The following CSMD1 variants were observed in gnomAD, a reference collection of about 807,000 sequenced individuals.
CSMD1 encodes the protein CUB and Sushi multiple domains 1.
CSMD1 carries 213 observed loss-of-function variants against 417.5 expected under a neutral mutation model. That is an observed-to-expected ratio of 0.51 (90% CI 0.46 to 0.57). The LOEUF (loss-of-function observed/expected upper bound fraction) is 0.57. Ranked by LOEUF, CSMD1 falls within the 20% of genes least tolerant of loss-of-function variation. The pLI is 0.00. For synonymous variants in CSMD1, 2,862 were observed against 1,736.8 expected (o/e 1.65, Z -16.11); for missense variants, 6,923 against 4,529.7 (o/e 1.53, Z -15.17).
At chr8:4,678,808 G>A (rs892423290) in intron 1 of CSMD1, among the ~76,000 whole-genome samples, 4 of 152,202 alleles carry the variant, frequency 2.6e-5, no homozygotes, top group Admixed American at 6.5e-5. Flanking sequence ...TAACCTGTAT[G>A]TAGCAAGGGT....
At chr8:4,018,248 A>G (rs1457179681) in intron 4 of CSMD1, among the ~76,000 whole-genome samples, 2 of 152,218 alleles carry the variant, frequency 1.3e-5, no homozygotes, top group African/African-American at 4.8e-5. Flanking sequence ...TTTATGATTT[A>G]AACATTTGGT....
intron 26 of CSMD1, among the ~76,000 whole-genome samples, chr8:3,256,597 C>T (rs765601459): frequency 2.0e-5 from 3 of 152,208 alleles, no homozygotes; most frequent in African/African-American, 7.2e-5. Flanking sequence ...ACCAACAACA[C>T]TGGCTGTTTC....
At chr8:3,623,153 G>T (rs1023850969) in intron 7 of CSMD1, among the ~76,000 whole-genome samples, 3 of 152,174 alleles carry the variant, frequency 2.0e-5, no homozygotes, top group African/African-American at 7.2e-5. Flanking sequence ...GTTTGTAAAA[G>T]AGTTTAAATG....
chr8:3,012,006 G>A (rs571935790), intron 52 of CSMD1, among the ~76,000 whole-genome samples: 5 of 152,336 alleles, frequency 3.3e-5, no homozygotes, highest in African/African-American at 1.2e-4. Flanking sequence ...GGCCTGGGGA[G>A]AGGTGTAGCA....
In CSMD1 at chr8:3,133,146, T is replaced by G. The variant is rs544192663; in HGVS notation, c.6241+9319A>C. ...CTGCAGCGTGGGCCGGCACACAGCTTCTCCTCAGCGACCTGGGGGAGGCCG... is the reference window on the plus strand; with the variant it reads ...CTGCAGCGTGGGCCGGCACACAGCTGCTCCTCAGCGACCTGGGGGAGGCCG... On this transcript the variant is annotated intron_variant, in intron 41 of 69. Coordinates refer to ENST00000635120, the MANE Select transcript of CSMD1 (RefSeq NM_033225.6). Among the ~76,000 whole-genome samples, 187 of 152,278 alleles carry G rather than the reference T, an allele frequency of 1.2e-3. 3 individuals are homozygous for G. Among genetic ancestry groups the G allele is most frequent in the South Asian group, 2.7e-3 (13 of 4,820 alleles).
intron 3 of CSMD1, among the ~76,000 whole-genome samples, chr8:4,179,583 C>G (rs1258223149): frequency 6.6e-6 from 1 of 151,354 alleles, no homozygotes; most frequent in Non-Finnish European, 1.5e-5. Flanking sequence ...CAAATGGAAT[C>G]TAATTAAACT....
chr8:4,260,666 A>T (rs1284209047), intron 3 of CSMD1, among the ~76,000 whole-genome samples: 1 of 152,150 alleles, frequency 6.6e-6, no homozygotes, highest in Non-Finnish European at 1.5e-5. Flanking sequence ...ATATAATTTC[A>T]GTTTTTGCGA....
At chr8:3,725,274 C>T (rs1802417669) in intron 6 of CSMD1, among the ~76,000 whole-genome samples, 1 of 152,162 alleles carries the variant, frequency 6.6e-6, no homozygotes, top group Non-Finnish European at 1.5e-5. Context: ...ATGAGTTTGG[C>T]AGGTCCAGGG....
At chr8:4,450,350 G>C (rs757875876) in intron 2 of CSMD1, among the ~76,000 whole-genome samples, 1 of 152,072 alleles carries the variant, frequency 6.6e-6, no homozygotes, top group African/African-American at 2.4e-5. Flanking sequence ...TTTAGTAGCC[G>C]GGTGTGGTGG....
rs57348944 is a variant in CSMD1 at position 3,168,919 on chromosome 8, TTCTCTCTC to T, written c.5726-6650_5726-6643del. Among the ~76,000 whole-genome samples the T allele has an allele frequency of 4.0e-3, 607 of 150,440 alleles. 3 individuals carry two copies. The highest frequency in any genetic ancestry group is 0.014 in the African/African-American group (573 of 41,136). ...AAATACCTTTAGGGGAAGTAAAATG[TTCTCTCTC>T]TCTCTCTCTCAGGGGCTCACAAATT... On this transcript the variant is annotated intron_variant, in intron 37 of 69. Transcript: ENST00000635120.
Position 3,517,258 on chromosome 8 carries a change from G to C in CSMD1, c.1345-23532C>G, listed in dbSNP as rs1208177586. Reference sequence around the variant, plus strand: ...TGTGATTAGAGGGAAAACTTGAAAAGACACAGAGTTGTGAATCACAAGAGA... The same window carrying C: ...TGTGATTAGAGGGAAAACTTGAAAACACACAGAGTTGTGAATCACAAGAGA... On this transcript the variant is annotated intron_variant, in intron 10 of 69. Transcript: ENST00000635120. Among the ~76,000 whole-genome samples the C allele has an allele frequency of 3.9e-5, 6 of 152,306 alleles. 1 individual carries two copies. The East Asian group carries it at 9.6e-4, about 24-fold the overall frequency.
chr8:3,895,559 G>A (rs1479747749), intron 5 of CSMD1, among the ~76,000 whole-genome samples: 2 of 152,112 alleles, frequency 1.3e-5, no homozygotes, highest in South Asian at 2.1e-4. Flanking sequence ...ATAAGCACAT[G>A]AAATAAGCAT....
intron 52 of CSMD1, among the ~76,000 whole-genome samples, chr8:3,015,939 C>G (rs1808791065): frequency 6.6e-6 from 1 of 152,112 alleles, no homozygotes; most frequent in Non-Finnish European, 1.5e-5. Flanking sequence ...GCATGCGCCT[C>G]CAGAGGGGAC....
At chr8:3,395,063 G>A (rs988564929) in intron 17 of CSMD1, among the ~76,000 whole-genome samples, 2 of 152,034 alleles carry the variant, frequency 1.3e-5, no homozygotes, top group African/African-American at 4.8e-5. Context: ...TCAGGGAGAG[G>A]GTAACAAGAG....
chr8:3,434,559 T>C (rs573861143), intron 12 of CSMD1, among the ~76,000 whole-genome samples: 133 of 152,350 alleles, frequency 8.7e-4, no homozygotes, highest in African/African-American at 3.0e-3. Flanking sequence ...TCCTTCTAAA[T>C]AGTGAACATA....
intron 1 of CSMD1, among the ~76,000 whole-genome samples, chr8:4,924,722 CAAAAAAA>C (rs60827201): frequency 4.8e-5 from 3 of 62,546 alleles, no homozygotes; most frequent in South Asian, 8.8e-4. Context: ...AACTCCATCT[CAAAAAAA>C]AAAAAAAAAA....
intron 3 of CSMD1, among the ~76,000 whole-genome samples, chr8:4,384,721 C>CA (rs1158356152): frequency 6.6e-5 from 10 of 152,302 alleles, no homozygotes; most frequent in African/African-American, 2.4e-4. Flanking sequence ...CACGTGCACA[C>CA]ACTCTATGGA....
At chr8:4,293,907 T>C (rs1490673511) in intron 3 of CSMD1, among the ~76,000 whole-genome samples, 2 of 151,902 alleles carry the variant, frequency 1.3e-5, no homozygotes, top group African/African-American at 4.8e-5. Context: ...AGGGATGTCC[T>C]ATTAGTGTCT....
At chr8:4,456,044 A>C (rs1404112798) in intron 2 of CSMD1, among the ~76,000 whole-genome samples, 1 of 123,890 alleles carries the variant, frequency 8.1e-6, no homozygotes, top group African/African-American at 3.1e-5. Flanking sequence ...CAAGTTCTTC[A>C]ATACTATCAT....
Sources: allele counts gnomAD v4.1 joint callset (sites outside exome capture counted in the v4.1 genomes callset), GRCh38; gene constraint gnomAD v4.1.1; transcripts MANE v1.5; gene names NCBI Gene and HGNC (gene_info 2026-07-23, HGNC 2026-07-21).